Variants in PDE2A observed in about 807,000 individuals in gnomAD.
PDE2A encodes the protein phosphodiesterase 2A, also known as cGMP-dependent 3',5'-cyclic phosphodiesterase.
Under a neutral mutation model 133.6 loss-of-function variants are expected in PDE2A, and 53 were observed. That is an observed-to-expected ratio of 0.40 (90% CI 0.32 to 0.50). The LOEUF (loss-of-function observed/expected upper bound fraction) is 0.50, where lower values mean the gene tolerates loss of function less well. Ranked by LOEUF, PDE2A falls within the 20% of genes least tolerant of loss-of-function variation. PDE2A has a pLI of 0.73. For missense variants in PDE2A, 796 were observed against 1,232.4 expected, an observed-to-expected ratio of 0.65 and a Z score of 5.30; for synonymous variants, 491 against 490.2, an observed-to-expected ratio of 1.00 and a Z score of -0.02.
At chr11:72,648,127 G>A (rs1300136011) in intron 1 of PDE2A, among the ~76,000 whole-genome samples, 3 of 152,320 alleles carry the variant, frequency 2.0e-5, no homozygotes, top group East Asian at 1.9e-4. Context: ...CCAGGTCAGA[G>A]AGAGAGCAAG....
At position 72,623,548 on chromosome 11, in the gene PDE2A, C is replaced by G. The variant is rs1046810142; in HGVS notation, c.145-14797G>C. Among the ~76,000 whole-genome samples the G allele has an allele frequency of 2.6e-5, 4 of 152,084 alleles. No individual in the cohort carries two copies. In the East Asian group the frequency reaches 7.7e-4, roughly 29 times the overall value. On this transcript the variant is annotated intron_variant, in intron 2 of 30. Coordinates refer to ENST00000334456, the MANE Select transcript of PDE2A (RefSeq NM_002599.5). Reference sequence around the variant, plus strand: ...CCCAGATGTATCCCTAGCCTGGCCCCGCTGCCCACTGCACACCTTCACCTG... The same window carrying G: ...CCCAGATGTATCCCTAGCCTGGCCCGGCTGCCCACTGCACACCTTCACCTG...
chr11:72,647,454 G>A (rs1343810247), intron 1 of PDE2A, among the ~76,000 whole-genome samples: 1 of 152,214 alleles, frequency 6.6e-6, no homozygotes, highest in Non-Finnish European at 1.5e-5. Context: ...CTGGGCAGAA[G>A]GTACCTCTCC....
intron 2 of PDE2A, among the ~76,000 whole-genome samples, chr11:72,614,088 G>A (rs1051384263): frequency 6.6e-6 from 1 of 152,184 alleles, no homozygotes; most frequent in Non-Finnish European, 1.5e-5. Context: ...ATGCCTCCTC[G>A]CAGCCTTACA....
chr11:72,648,109 G>A (rs938077791), intron 1 of PDE2A, among the ~76,000 whole-genome samples: 1 of 152,170 alleles, frequency 6.6e-6, no homozygotes, highest in Admixed American at 6.5e-5. Context: ...ACGTGTTTAT[G>A]CTCTAGCCCA....
In PDE2A at chr11:72,642,257, C is replaced by T; in HGVS notation, c.141G>A (p.Leu47=). The T allele has an allele frequency of 1.3e-6, 2 of 1,533,470 alleles. No individual in the cohort carries two copies. The highest frequency in any genetic ancestry group is 1.2e-5 in the South Asian group (1 of 80,466). 95.0% of individuals were successfully genotyped at this position (1,533,470 alleles called of 1,614,324 possible). ...CCCAGCGCGGGGGCCCCCCTACCTGCAGGCTGTCGGCGCATGGCTGCGGCG... is the reference window on the plus strand; with the variant it reads ...CCCAGCGCGGGGGCCCCCCTACCTGTAGGCTGTCGGCGCATGGCTGCGGCG... ...PPPPQPCADS[L]QDALLSLGSV... Residue 47 remains leucine (L), a synonymous_variant, in exon 2 of 31, where the codon CTG becomes CTA. Transcript: ENST00000334456.
chr11:72,605,388 C>G (rs1856927828), intron 3 of PDE2A, among the ~76,000 whole-genome samples, 162 bp from the exon 4 acceptor site: 1 of 152,190 alleles, frequency 6.6e-6, no homozygotes, highest in African/African-American at 2.4e-5. Context: ...TAAGATGCAG[C>G]CAGGGCAGCA....
At chr11:72,600,774 C>T (rs1213035235) in intron 4 of PDE2A, among the ~76,000 whole-genome samples, 2 of 152,060 alleles carry the variant, frequency 1.3e-5, no homozygotes, top group African/African-American at 4.8e-5. Context: ...GGCCAGCTGC[C>T]CAGGCGAAGG....
At chr11:72,646,320 G>A (rs2135443121) in intron 1 of PDE2A, among the ~76,000 whole-genome samples, 1 of 152,326 alleles carries the variant, frequency 6.6e-6, no homozygotes, top group South Asian at 2.1e-4. Context: ...ACCTCTCATT[G>A]GTAGGGCCTT....
Position 72,597,386 on chromosome 11 carries a change from C to A in PDE2A, c.433+124G>T. 1 of 617,056 alleles carries A rather than the reference C, an allele frequency of 1.6e-6. No individual in the cohort carries two copies. 38.2% of individuals were successfully genotyped at this position (617,056 alleles called of 1,614,324 possible). A position where few individuals can be genotyped will look rare whatever the true frequency, so the allele number is the denominator to read the frequency against. On this transcript the variant is annotated intron_variant, in intron 5 of 30. Transcript: ENST00000334456. The surrounding 1 kb of genome is among the most constrained non-coding windows in gnomAD (Gnocchi z 4.6). Reference sequence around the variant, plus strand: ...AATTAGATGGAGGGACTGCTAGAGACACAGAGCAAGAGAAAGAAGGAGACA... The same window carrying A: ...AATTAGATGGAGGGACTGCTAGAGAAACAGAGCAAGAGAAAGAAGGAGACA...
intron 1 of PDE2A, chr11:72,668,473 C>A (rs1196761377): frequency 2.8e-6 from 2 of 706,592 alleles, no homozygotes; most frequent in Non-Finnish European, 5.2e-6. Flanking sequence ...ATACTTCTAT[C>A]CCTGCTCCTA....
At chr11:72,634,245 C>A (rs946761095) in intron 2 of PDE2A, among the ~76,000 whole-genome samples, 2 of 152,128 alleles carry the variant, frequency 1.3e-5, no homozygotes, top group Non-Finnish European at 2.9e-5. Context: ...TGGGGAGGGG[C>A]TCCCTGCCGG....
At chr11:72,642,211 G>T in intron 2 of PDE2A, 43 bp downstream of exon 2, 7 of 1,410,984 alleles carry the variant, frequency 5.0e-6, no homozygotes, top group Non-Finnish European at 6.5e-6. Flanking sequence ...GGCGCTCGCC[G>T]GACACCCCGT....
intron 16 of PDE2A, 193 bp from the exon 17 acceptor site, chr11:72,585,137 CCTA>C (rs1855906813): frequency 6.3e-6 from 4 of 638,384 alleles, no homozygotes; most frequent in Non-Finnish European, 1.1e-5. Context: ...TTTGGAAGCA[CCTA>C]CTATGTGCCA....
At chr11:72,609,122 C>T (rs1857096360) in intron 2 of PDE2A, among the ~76,000 whole-genome samples, 1 of 152,198 alleles carries the variant, frequency 6.6e-6, no homozygotes. Context: ...AACAAAAAAA[C>T]ACCCAAATTT....
At chr11:72,640,350 C>A (rs931904500) in intron 2 of PDE2A, among the ~76,000 whole-genome samples, 1 of 152,010 alleles carries the variant, frequency 6.6e-6, no homozygotes, top group Non-Finnish European at 1.5e-5. Flanking sequence ...GCATAGACAG[C>A]GCTGCTGGCC....
intron 1 of PDE2A, chr11:72,652,820 C>T: frequency 2.4e-6 from 1 of 421,422 alleles, no homozygotes; most frequent in South Asian, 1.7e-5. Flanking sequence ...GGAAAAGAGC[C>T]CAGGGCCTCC....
chr11:72,648,005 A>C (rs1235264164), intron 1 of PDE2A, among the ~76,000 whole-genome samples: 1 of 152,222 alleles, frequency 6.6e-6, no homozygotes, highest in Non-Finnish European at 1.5e-5. Context: ...ATATTCACAC[A>C]TGCAGGTATA....
intron 6 of PDE2A, among the ~76,000 whole-genome samples, chr11:72,591,979 G>A (rs1856273108): frequency 1.3e-5 from 2 of 152,176 alleles, no homozygotes; most frequent in Admixed American, 1.3e-4. Context: ...GTGGCAGAGT[G>A]AAGACAGCAC....
In PDE2A at chr11:72,660,816, G is replaced by C. The variant is rs186210444; in HGVS notation, c.71+13321C>G. 5.9e-3 allele frequency among the ~76,000 whole-genome samples: 904 copies of C among 152,076 alleles called. 4 individuals are homozygous for C. Among genetic ancestry groups the C allele is most frequent in the Non-Finnish European group, 8.0e-3 (545 of 67,980 alleles). ...AACAAGGATTTCACTGCACGTAGAAGTAGGGGTAGGGCACAGCCAAGCAGA... is the reference window on the plus strand; with the variant it reads ...AACAAGGATTTCACTGCACGTAGAACTAGGGGTAGGGCACAGCCAAGCAGA... On this transcript the variant is annotated intron_variant, in intron 1 of 30. Coordinates refer to ENST00000334456, the MANE Select transcript of PDE2A (RefSeq NM_002599.5).
Sources: gnomAD v4.1 joint callset for allele counts (sites outside exome capture counted in the v4.1 genomes callset) on GRCh38, gnomAD v4.1.1 for gene constraint, Gnocchi (gnomAD v3.1) non-coding constraint, MANE v1.5 for transcripts, NCBI Gene and HGNC (gene_info 2026-07-23, HGNC 2026-07-21) for gene names.